The following PLCB1 variants were observed in gnomAD, a reference collection of about 807,000 sequenced individuals.
PLCB1 encodes the protein phospholipase C beta 1, also known as 1-phosphatidylinositol 4,5-bisphosphate phosphodiesterase beta-1.
PLCB1 carries 46 observed loss-of-function variants against 161.8 expected under a neutral mutation model. That is an observed-to-expected ratio of 0.28 (90% confidence interval 0.22 to 0.36). The LOEUF (loss-of-function observed/expected upper bound fraction) is 0.36, where lower values mean the gene tolerates loss of function less well. Ranked by LOEUF, PLCB1 falls within the 10% of genes least tolerant of loss-of-function variation. The pLI is 1.00. For missense variants in PLCB1, 1,016 were observed against 1,472.5 expected (o/e 0.69, Z 5.07); for synonymous variants, 517 against 503.7 (o/e 1.03, Z -0.35).
chr20:8,648,027 T>G, intron 6 of PLCB1, 74 bp downstream of exon 6: 1 of 1,122,502 alleles, frequency 8.9e-7, no homozygotes, highest in East Asian at 2.5e-5. Flanking sequence ...TGGCTCTGTT[T>G]TGTTTCTCCA....
chr20:8,641,879 GTATT>G (rs1365913450), intron 4 of PLCB1, among the ~76,000 whole-genome samples: 1 of 152,092 alleles, frequency 6.6e-6, no homozygotes, highest in Non-Finnish European at 1.5e-5. Context: ...TGATGATCAT[GTATT>G]TATTATAAAT....
chr20:8,430,509 G>A (rs1979992017), intron 3 of PLCB1, among the ~76,000 whole-genome samples: 1 of 152,212 alleles, frequency 6.6e-6, no homozygotes, highest in East Asian at 1.9e-4. Flanking sequence ...GGCTGAGAAT[G>A]CAAGTCTCAT....
Position 8,132,393 on chromosome 20 carries a change from G to T in PLCB1, c.-259G>T. 3.6e-6 allele frequency: 1 copy of T among 279,044 alleles called. No homozygotes were observed. Among genetic ancestry groups the T allele is most frequent in the Non-Finnish European group, 6.7e-6 (1 of 150,316 alleles). The allele number at this position is 279,044 out of a possible 1,614,324, so 17.3% of individuals were successfully genotyped here. A position where few individuals can be genotyped will look rare whatever the true frequency, so the allele number is the denominator to read the frequency against. On this transcript the variant is annotated 5_prime_UTR_variant, in exon 1 of 32. The change creates a premature stop within an existing upstream ORF in the 5' untranslated region. Transcript: ENST00000338037. This position sits in a 1 kb window ranked among gnomAD's most constrained non-coding sequence, Gnocchi z 5.2. ...CCGGCTCGGCTTCTCTTCGCCTTCC[G>T]AGGCTCCTCATCCACCGCGGGCTCC...
intron 31 of PLCB1, among the ~76,000 whole-genome samples, chr20:8,863,864 T>C (rs1437090169): frequency 6.6e-6 from 1 of 152,120 alleles, no homozygotes; most frequent in Non-Finnish European, 1.5e-5. Context: ...CTTATAATCA[T>C]TTTTTTATTA....
intron 3 of PLCB1, among the ~76,000 whole-genome samples, chr20:8,521,667 C>G (rs982590276): frequency 1.3e-5 from 2 of 152,066 alleles, no homozygotes; most frequent in Admixed American, 6.6e-5. Context: ...TGGAGTGAGA[C>G]TGCCTAAAAA....
chr20:8,572,525 C>T (rs1986553150), intron 3 of PLCB1, among the ~76,000 whole-genome samples: 1 of 152,194 alleles, frequency 6.6e-6, no homozygotes, highest in Non-Finnish European at 1.5e-5. Context: ...AGATGTAACA[C>T]TTTTATCATG....
intron 3 of PLCB1, among the ~76,000 whole-genome samples, chr20:8,496,796 C>A (rs1299317202): frequency 6.6e-6 from 1 of 152,164 alleles, no homozygotes; most frequent in African/African-American, 2.4e-5. Flanking sequence ...CAAGTACAAT[C>A]TTTTGTTTAG....
intron 2 of PLCB1, among the ~76,000 whole-genome samples, chr20:8,183,396 C>T (rs6055608): frequency 0.31 from 47,694 of 152,080 alleles, 9,681 homozygotes; most frequent in African/African-American, 0.58. Flanking sequence ...TTTGATTAAT[C>T]TAAAACTCTC....
chr20:8,280,889 C>T (rs983070462), intron 2 of PLCB1, among the ~76,000 whole-genome samples: 1 of 152,182 alleles, frequency 6.6e-6, no homozygotes, highest in Admixed American at 6.5e-5. Flanking sequence ...TTGTTTGGAT[C>T]ACACATTAAA....
At chr20:8,392,418 G>A (rs1024751452) in intron 3 of PLCB1, among the ~76,000 whole-genome samples, 8 of 152,066 alleles carry the variant, frequency 5.3e-5, no homozygotes, top group African/African-American at 1.9e-4. Context: ...CTTATAAATT[G>A]GCCGGTCTGT....
chr20:8,165,661 T>C (rs1426991294), intron 2 of PLCB1, among the ~76,000 whole-genome samples: 2 of 152,240 alleles, frequency 1.3e-5, no homozygotes, highest in East Asian at 3.8e-4. Context: ...TCAATCGATG[T>C]GTGTCAAATG....
In PLCB1 at chr20:8,668,186, A is replaced by G. The variant is rs116593328; in HGVS notation, c.862+9482A>G. Among the ~76,000 whole-genome samples, 195 of 152,132 alleles carry G rather than the reference A, an allele frequency of 1.3e-3. 1 individual carries two copies. The highest frequency in any genetic ancestry group is 4.4e-3 in the African/African-American group (181 of 41,498). ...ACAGGGAAACCAGATTAAGTGAGGG[A>G]TGGACCTTCCACCCTAACCCTTAAT... On this transcript the variant is annotated intron_variant, in intron 9 of 31. Transcript: ENST00000338037.
intron 31 of PLCB1, among the ~76,000 whole-genome samples, chr20:8,806,042 C>T (rs962259480): frequency 1.3e-5 from 2 of 152,140 alleles, no homozygotes; most frequent in African/African-American, 4.8e-5. Flanking sequence ...AGAGATTTCA[C>T]CCCCAAACTG....
At chr20:8,469,782 A>T (rs1981973373) in intron 3 of PLCB1, among the ~76,000 whole-genome samples, 1 of 152,172 alleles carries the variant, frequency 6.6e-6, no homozygotes, top group Admixed American at 6.5e-5. Flanking sequence ...TTAAGATATA[A>T]TTCACACACC....
intron 9 of PLCB1, among the ~76,000 whole-genome samples, chr20:8,682,251 A>T (rs1990240397): frequency 6.6e-6 from 1 of 152,170 alleles, no homozygotes; most frequent in South Asian, 2.1e-4. Flanking sequence ...CTGTAACCTC[A>T]GGACTTTGGG....
Position 8,250,517 on chromosome 20 carries a change from C to T in PLCB1, c.177+100146C>T, listed in dbSNP as rs1458654658. 2.0e-5 allele frequency among the ~76,000 whole-genome samples: 3 copies of T among 151,712 alleles called. No homozygotes were observed. The East Asian group carries it at 5.8e-4, about 29-fold the overall frequency. ...TACCCTTCATCATATCTTTTGCCATCTTTGAGTGGCTTTTTTAACCTTTCC... is the reference window on the plus strand; with the variant it reads ...TACCCTTCATCATATCTTTTGCCATTTTTGAGTGGCTTTTTTAACCTTTCC... On this transcript the variant is annotated intron_variant, in intron 2 of 31. Coordinates refer to ENST00000338037, the MANE Select transcript of PLCB1 (RefSeq NM_015192.4).
At chr20:8,644,591 C>T (rs140200564) in intron 4 of PLCB1, among the ~76,000 whole-genome samples, 18,502 of 151,034 alleles carry the variant, frequency 0.12, 1,084 homozygotes, top group Middle Eastern at 0.19. Flanking sequence ...AGGAGCCCCT[C>T]CGCCTGGCAG....
intron 9 of PLCB1, among the ~76,000 whole-genome samples, chr20:8,663,660 AAG>A (rs1382719102): frequency 6.6e-6 from 1 of 152,130 alleles, no homozygotes; most frequent in Non-Finnish European, 1.5e-5. Flanking sequence ...GGGTTCCAGA[AAG>A]AGAGAATTTG....
At chr20:8,206,924 T>G (rs1978563676) in intron 2 of PLCB1, among the ~76,000 whole-genome samples, 1 of 152,086 alleles carries the variant, frequency 6.6e-6, no homozygotes, top group African/African-American at 2.4e-5. Flanking sequence ...GAGAAATAAA[T>G]TTTTAAAATG....
Sources: gnomAD v4.1 joint callset for allele counts (sites outside exome capture counted in the v4.1 genomes callset) on GRCh38, gnomAD v4.1.1 for gene constraint, Gnocchi (gnomAD v3.1) non-coding constraint, MANE v1.5 for transcripts, NCBI Gene and HGNC (gene_info 2026-07-23, HGNC 2026-07-21) for gene names.